NLRP5: variants seen among roughly 807,000 people sequenced by gnomAD.
NLRP5 encodes the protein NLR family pyrin domain containing 5.
NLRP5 carries 93 observed loss-of-function variants against 113.1 expected under a neutral mutation model. That is an observed-to-expected ratio of 0.82 (90% CI 0.70 to 0.98). NLRP5 has a LOEUF of 0.98. Ranked by LOEUF, NLRP5 falls within the 50% of genes least tolerant of loss-of-function variation. NLRP5 has a pLI of 0.00. For synonymous variants in NLRP5, 751 were observed against 600.7 expected (o/e 1.25, Z -3.66); for missense variants, 1,808 against 1,514.3 (o/e 1.19, Z -3.22).
chr19:55,987,781 C>G, the NLRP5 span: 1 of 1,531,946 alleles, frequency 6.5e-7, no homozygotes, highest in East Asian at 2.3e-5. Context: ...AGAAAATAAC[C>G]TCAACCAGCA....
At chr19:56,011,738 G>A (rs1230352224) in intron 3 of NLRP5, among the ~76,000 whole-genome samples, 1 of 150,802 alleles carries the variant, frequency 6.6e-6, no homozygotes, top group Non-Finnish European at 1.5e-5. Context: ...CTGTCACCCA[G>A]GCTGGAGTGC....
At chr19:56,034,773 A>G (rs938944952) in intron 9 of NLRP5, among the ~76,000 whole-genome samples, 3 of 152,240 alleles carry the variant, frequency 2.0e-5, no homozygotes, top group East Asian at 3.9e-4. Context: ...TGGCCATTCA[A>G]TGCTATGGAG....
At chr19:55,996,801 T>G (rs544701435), upstream of NLRP5, among the ~76,000 whole-genome samples, 1 of 152,314 alleles carries the variant, frequency 6.6e-6, no homozygotes, top group South Asian at 2.1e-4. Flanking sequence ...AACATACGTG[T>G]GCATGTGTCT....
chr19:56,032,843 A>T (rs1026092890), intron 8 of NLRP5, 62 bp downstream of exon 8: 5 of 1,479,556 alleles, frequency 3.4e-6, no homozygotes, highest in Non-Finnish European at 4.6e-6. Context: ...GCTCTCCCCT[A>T]CCTCCTGAGA....
chr19:56,032,338 C>A lies in NLRP5; in HGVS notation c.2277-273C>A, dbSNP rs370497009. Among the ~76,000 whole-genome samples, 268 of 142,328 alleles carry A rather than the reference C, an allele frequency of 1.9e-3. 1 individual carries two copies. Among genetic ancestry groups the A allele is most frequent in the African/African-American group, 6.6e-3 (245 of 37,194 alleles). 93.4% of individuals were successfully genotyped at this position (142,328 alleles called of 152,430 possible). A position where few individuals can be genotyped will look rare whatever the true frequency, so the allele number is the denominator to read the frequency against. On this transcript the variant is annotated intron_variant, in intron 7 of 14. Transcript: ENST00000390649. ...CCAGCCTGGGCAACGGAGCGAGACT[C>A]CATCTCAAAAAAAAAAAAAAAAGAT...
At chr19:56,011,158 A>AAAATATATATATAT (rs372922763) in intron 3 of NLRP5, among the ~76,000 whole-genome samples, 7 of 145,222 alleles carry the variant, frequency 4.8e-5, no homozygotes, top group African/African-American at 1.7e-4. Context: ...GTCTTTAAAA[A>AAAATATATATATAT]ATATATATAC....
At chr19:55,991,870 C>A in the NLRP5 span, among the ~76,000 whole-genome samples, 2 of 151,986 alleles carry the variant, frequency 1.3e-5, no homozygotes, top group Admixed American at 1.3e-4. Flanking sequence ...AGCTAACATT[C>A]TTTTTTTACT....
intron 13 of NLRP5, among the ~76,000 whole-genome samples, chr19:56,055,533 CTGTCTTTTTTTTTTT>C (rs1367213752): frequency 4.0e-5 from 4 of 99,500 alleles, no homozygotes; most frequent in Admixed American, 1.2e-4. Context: ...TTTTCTTTCT[CTGTCTTTTTTTTTTT>C]TTTTTTTTTT....
At chr19:56,031,174 A>C (rs1983098346) in intron 7 of NLRP5, among the ~76,000 whole-genome samples, 1 of 152,128 alleles carries the variant, frequency 6.6e-6, no homozygotes, top group Non-Finnish European at 1.5e-5. Context: ...TGTACGATAC[A>C]ATATTAACTA....
chr19:56,054,837 G>A (rs988023255), intron 13 of NLRP5, among the ~76,000 whole-genome samples: 8 of 152,010 alleles, frequency 5.3e-5, no homozygotes, highest in Admixed American at 3.3e-4. Context: ...TGGCTGCAGC[G>A]CACTGTGAAC....
chr19:56,003,570 A>G (rs751467646), intron 1 of NLRP5, 166 bp from the exon 2 acceptor site: 8 of 793,004 alleles, frequency 1.0e-5, no homozygotes, highest in Non-Finnish European at 1.6e-5. Flanking sequence ...ATGTCCCAGC[A>G]CTGATGTCTA....
At chr19:56,032,018 A>G (rs1983135339) in intron 7 of NLRP5, among the ~76,000 whole-genome samples, 1 of 152,054 alleles carries the variant, frequency 6.6e-6, no homozygotes, top group Non-Finnish European at 1.5e-5. Context: ...GCACAGTTTT[A>G]CGTTCAAGTG....
At chr19:56,019,201 C>A (rs550568704) in intron 4 of NLRP5, 141 bp from the exon 5 acceptor site, 16 of 913,498 alleles carry the variant, frequency 1.8e-5, no homozygotes, top group Non-Finnish European at 2.6e-5. Context: ...TGCACTCTGT[C>A]TTCTAGCTGA....
intron 1 of NLRP5, chr19:55,999,925 G>A: frequency 2.9e-6 from 2 of 700,824 alleles, no homozygotes; most frequent in South Asian, 1.6e-5. Flanking sequence ...CACTCCCCGG[G>A]GTAGAAAGAA....
chr19:56,040,884 C>T (rs1219258879), intron 10 of NLRP5, 38 bp from the exon 11 acceptor site: 1 of 1,561,338 alleles, frequency 6.4e-7, no homozygotes, highest in Admixed American at 1.8e-5. Context: ...TTTAAGAAGG[C>T]ATCTCATCAT....
At chr19:55,991,442 T>A in the NLRP5 span, among the ~76,000 whole-genome samples, 3 of 152,296 alleles carry the variant, frequency 2.0e-5, no homozygotes, top group Non-Finnish European at 4.4e-5. Flanking sequence ...ATTATACTGA[T>A]GGAGGATGAC....
intron 9 of NLRP5, among the ~76,000 whole-genome samples, chr19:56,034,959 G>T (rs994964675): frequency 2.0e-5 from 3 of 152,044 alleles, no homozygotes; most frequent in African/African-American, 7.2e-5. Flanking sequence ...TTTTCTTTTT[G>T]ACTGAGTCTA....
At chr19:56,010,365 GAGAC>G (rs1225861856) in intron 3 of NLRP5, among the ~76,000 whole-genome samples, 1 of 152,138 alleles carries the variant, frequency 6.6e-6, no homozygotes, top group Non-Finnish European at 1.5e-5. Flanking sequence ...AAGGCCATCA[GAGAC>G]AGACACTCTA....
In NLRP5 at chr19:56,033,651, G is replaced by A. The variant is rs760667285; in HGVS notation, c.2557G>A (p.Asp853Asn). The A allele has an allele frequency of 5.6e-6, 9 of 1,613,968 alleles. No homozygotes were observed. The highest frequency in any genetic ancestry group is 7.6e-6 in the Non-Finnish European group (9 of 1,179,864). ...GGGAGGCACCCACCTGAAGGAAGAGGATGTAAGGATGGCGTGTGAAGCCTT... is the reference window on the plus strand; with the variant it reads ...GGGAGGCACCCACCTGAAGGAAGAGAATGTAAGGATGGCGTGTGAAGCCTT... Residue 853 changes from aspartate (D) to asparagine (N), a missense_variant, in exon 9 of 15, where the codon GAT becomes AAT. Physicochemically the swap from Asp to Asn is conservative, Grantham distance 23. Transcript: ENST00000390649.
Sources: gnomAD v4.1 joint callset for allele counts (sites outside exome capture counted in the v4.1 genomes callset) on GRCh38, gnomAD v4.1.1 for gene constraint, MANE v1.5 for transcripts, NCBI Gene and HGNC (gene_info 2026-07-23, HGNC 2026-07-21) for gene names.